The following SORCS2 variants were observed in gnomAD, a reference collection of about 807,000 sequenced individuals.
The protein encoded by SORCS2 is VPS10 domain-containing receptor SorCS2.
Under a neutral mutation model 141.6 loss-of-function variants are expected in SORCS2, and 100 were observed. The ratio of observed to expected loss-of-function variants is 0.71; its 90% CI spans 0.60 to 0.83. The LOEUF is 0.83. Ranked by LOEUF, SORCS2 falls within the 40% of genes least tolerant of loss-of-function variation. The pLI, the probability that SORCS2 is intolerant of heterozygous loss-of-function variation, is 0.00. For missense variants in SORCS2, 1,646 were observed against 1,560.2 expected (o/e 1.05, Z -0.93); for synonymous variants, 789 against 676.9 (o/e 1.17, Z -2.57).
chr4:7,605,165 G>T (rs1448170587), intron 3 of SORCS2, among the ~76,000 whole-genome samples: 1 of 152,180 alleles, frequency 6.6e-6, no homozygotes, highest in Non-Finnish European at 1.5e-5. Context: ...CTTCCAACAA[G>T]GTCCAGAGTA....
intron 3 of SORCS2, among the ~76,000 whole-genome samples, chr4:7,548,057 C>CA (rs1482821816): frequency 6.6e-5 from 10 of 152,110 alleles, no homozygotes; most frequent in African/African-American, 2.4e-4. Flanking sequence ...TCCTTTGTGC[C>CA]AAGAATAGTA....
intron 25 of SORCS2, 129 bp downstream of exon 25, chr4:7,734,503 G>T: frequency 3.1e-6 from 2 of 647,698 alleles, no homozygotes; most frequent in Non-Finnish European, 5.1e-6. Flanking sequence ...GAGAGTTTGT[G>T]CCTGTGATGG....
intron 2 of SORCS2, among the ~76,000 whole-genome samples, chr4:7,529,489 T>C (rs1733896725): frequency 6.6e-6 from 1 of 152,190 alleles, no homozygotes; most frequent in Admixed American, 6.5e-5. Flanking sequence ...TTTGCAGGTA[T>C]GAGCAGGCTC....
chr4:7,433,195 C>G (rs561774379), intron 2 of SORCS2: 7 of 1,105,768 alleles, frequency 6.3e-6, no homozygotes, highest in Non-Finnish European at 7.1e-6. Context: ...TGAACTTCAG[C>G]TCTGCTCCTT....
At chr4:7,293,719 T>C (rs1207406977) in intron 1 of SORCS2, among the ~76,000 whole-genome samples, 1 of 152,212 alleles carries the variant, frequency 6.6e-6, no homozygotes, top group Non-Finnish European at 1.5e-5. Context: ...TGGCGATCCC[T>C]ATGCAGAAGG....
chr4:7,493,527 T>A (rs545339039), intron 2 of SORCS2, among the ~76,000 whole-genome samples: 1 of 152,260 alleles, frequency 6.6e-6, no homozygotes, highest in East Asian at 1.9e-4. Context: ...TTGGTGGTCG[T>A]GGTTCAACTT....
At chr4:7,575,301 C>G (rs973330596) in intron 3 of SORCS2, among the ~76,000 whole-genome samples, 1 of 152,204 alleles carries the variant, frequency 6.6e-6, no homozygotes, top group South Asian at 2.1e-4. Context: ...TTGATTTTAG[C>G]AGTATATTTT....
chr4:7,534,318 G>A (rs1451140607), intron 3 of SORCS2, among the ~76,000 whole-genome samples: 1 of 143,126 alleles, frequency 7.0e-6, no homozygotes, highest in African/African-American at 2.7e-5. Context: ...CCTCAGTCCA[G>A]CTCTGCCAGG....
At chr4:7,594,522 T>G (rs541389614) in intron 3 of SORCS2, among the ~76,000 whole-genome samples, 1 of 152,296 alleles carries the variant, frequency 6.6e-6, no homozygotes, top group Admixed American at 6.5e-5. Context: ...GGGTGTGAGA[T>G]CAGAGATTCA....
intron 4 of SORCS2, among the ~76,000 whole-genome samples, chr4:7,647,320 C>T (rs1488613597): frequency 1.3e-5 from 2 of 152,158 alleles, no homozygotes; most frequent in African/African-American, 4.8e-5. Flanking sequence ...AGGAGGGTGG[C>T]TTAACAACGT....
chr4:7,422,887 A>G (rs1439506329), intron 2 of SORCS2, among the ~76,000 whole-genome samples: 1 of 152,150 alleles, frequency 6.6e-6, no homozygotes, highest in Non-Finnish European at 1.5e-5. Context: ...CCGGAGGTCC[A>G]TGCAGCCTCC....
intron 23 of SORCS2, among the ~76,000 whole-genome samples, chr4:7,731,676 G>GATTTTCA (rs1442167501): frequency 6.6e-6 from 1 of 152,130 alleles, no homozygotes; most frequent in Non-Finnish European, 1.5e-5. Flanking sequence ...ACGGTCAATT[G>GATTTTCA]ATTTTCAATA....
chr4:7,352,969 A>G (rs752825713), intron 1 of SORCS2, among the ~76,000 whole-genome samples: 8 of 152,162 alleles, frequency 5.3e-5, no homozygotes, highest in East Asian at 3.9e-4. Flanking sequence ...TCCTTTCCAG[A>G]TTAGGAAACA....
chr4:7,425,893 C>T (rs555459692), intron 2 of SORCS2, among the ~76,000 whole-genome samples: 13 of 152,284 alleles, frequency 8.5e-5, no homozygotes, highest in East Asian at 3.9e-4. Flanking sequence ...CGGGCCCTGG[C>T]GCTCTCTGAG....
intron 2 of SORCS2, among the ~76,000 whole-genome samples, chr4:7,410,829 GC>G (rs1426122335): frequency 6.6e-6 from 1 of 152,100 alleles, no homozygotes; most frequent in Non-Finnish European, 1.5e-5. Context: ...AGGCTCTGAG[GC>G]CTTGAGGTGC....
At chr4:7,282,528 A>G (rs1560162497) in intron 1 of SORCS2, among the ~76,000 whole-genome samples, 1 of 152,160 alleles carries the variant, frequency 6.6e-6, no homozygotes, top group African/African-American at 2.4e-5. Context: ...ATGTAGCTGT[A>G]TATTATAAGG....
At chr4:7,437,981 T>C (rs902111962) in intron 2 of SORCS2, among the ~76,000 whole-genome samples, 1 of 152,218 alleles carries the variant, frequency 6.6e-6, no homozygotes, top group Admixed American at 6.5e-5. Flanking sequence ...TTTACCCCAG[T>C]TACTTTGGTG....
intron 3 of SORCS2, among the ~76,000 whole-genome samples, chr4:7,586,698 A>G (rs558791709): frequency 6.6e-6 from 1 of 152,284 alleles, no homozygotes; most frequent in Admixed American, 6.5e-5. Flanking sequence ...TCCATGGTGT[A>G]TATGTACCAC....
At chr4:7,485,308 C>T (rs1730909328) in intron 2 of SORCS2, among the ~76,000 whole-genome samples, 1 of 152,226 alleles carries the variant, frequency 6.6e-6, no homozygotes, top group South Asian at 2.1e-4. Context: ...GAGCATGCTG[C>T]TTAGGGTGGA....
Sources: allele counts gnomAD v4.1 joint callset (sites outside exome capture counted in the v4.1 genomes callset), GRCh38; gene constraint gnomAD v4.1.1; transcripts MANE v1.5; gene names NCBI Gene and HGNC (gene_info 2026-07-23, HGNC 2026-07-21).